The following DENND4C variants were observed in gnomAD, a reference collection of about 807,000 sequenced individuals.
DENND4C encodes DENN domain-containing protein 4C.
A neutral mutation model predicts 203.0 loss-of-function variants in DENND4C; 108 were observed. The ratio of observed to expected loss-of-function variants is 0.53; its 90% CI spans 0.46 to 0.62. DENND4C has a LOEUF of 0.62. DENND4C is among the 20% of genes least tolerant of loss of function. The pLI, the probability that DENND4C is intolerant of heterozygous loss-of-function variation, is 0.00. For synonymous variants in DENND4C, 871 were observed against 792.4 expected (o/e 1.10, Z -1.67); for missense variants, 2,481 against 2,301.2 (o/e 1.08, Z -1.60).
At chr9:19,258,821 A>T (rs1828643138) in intron 1 of DENND4C, among the ~76,000 whole-genome samples, 1 of 151,840 alleles carries the variant, frequency 6.6e-6, no homozygotes, top group African/African-American at 2.4e-5. Flanking sequence ...GGCCCAGCTA[A>T]TTTTTGTATT....
At chr9:19,339,433 A>T (rs1320880045) in intron 20 of DENND4C, among the ~76,000 whole-genome samples, 3 of 152,102 alleles carry the variant, frequency 2.0e-5, no homozygotes, top group South Asian at 4.1e-4. Flanking sequence ...ATTTTGTGGA[A>T]TGTTTCTTAA....
rs548077131 is a variant in DENND4C at position 19,309,344 on chromosome 9, C to A, written c.1487+3817C>A. 2.7e-3 allele frequency among the ~76,000 whole-genome samples: 403 copies of A among 151,908 alleles called. 2 individuals carry two copies. The highest frequency in any genetic ancestry group is 4.6e-3 in the Non-Finnish European group (311 of 67,970). ...GGCTGAGGCAGGAGAATTGCTTGAA[C>A]CCAGGAGGCAGAGGTTGCAGTCAGT... On this transcript the variant is annotated intron_variant, in intron 10 of 32. Coordinates refer to ENST00000434457, the MANE Select transcript of DENND4C (RefSeq NM_001330640.2).
Position 19,328,011 on chromosome 9 carries a change from A to ATTT in DENND4C, c.2121-10_2121-8dup. 1.6e-6 allele frequency: 2 copies of ATTT among 1,215,660 alleles called. No individual in the cohort carries two copies. The highest frequency in any genetic ancestry group is 2.3e-5 in the Admixed American group (1 of 42,920). 75.3% of individuals were successfully genotyped at this position (1,215,660 alleles called of 1,614,324 possible). ...TGGTGTGTTTTAAATCAGCAGTTCT[A>ATTT]TTTTTTTTTTTATTTTAGTTACAAA... is the stretch of plus-strand genomic sequence containing the variant. On this transcript the variant is annotated intron_variant, in intron 15 of 32. Transcript: ENST00000434457.
chr9:19,240,970 A>C (rs1230320859), intron 1 of DENND4C, among the ~76,000 whole-genome samples: 2 of 152,232 alleles, frequency 1.3e-5, no homozygotes, highest in Admixed American at 1.3e-4. Context: ...AACAGAACAC[A>C]GAACAGAATG....
At chr9:19,317,689 TA>T (rs771862681) in intron 12 of DENND4C, among the ~76,000 whole-genome samples, 6 of 152,278 alleles carry the variant, frequency 3.9e-5, no homozygotes, top group Admixed American at 2.0e-4. Flanking sequence ...TGTAGGAATA[TA>T]AAGAAGTATA....
chr9:19,325,787 G>T (rs1434026615), intron 13 of DENND4C, 152 bp from the exon 14 acceptor site: 10 of 685,536 alleles, frequency 1.5e-5, no homozygotes, highest in Middle Eastern at 4.1e-4. Flanking sequence ...TAGCCTAAGA[G>T]TATGTATTCA....
chr9:19,283,486 T>G (rs1280580343), intron 2 of DENND4C, among the ~76,000 whole-genome samples: 1 of 152,206 alleles, frequency 6.6e-6, no homozygotes, highest in Admixed American at 6.5e-5. Flanking sequence ...CATTATAATC[T>G]ATGGCACCAC....
chr9:19,328,051 G>T lies in DENND4C; in HGVS notation c.2142G>T (p.Leu714=). ...TTAGTTACAAATACTTTCCAAGACTGGACCTTAAGCTTTTTGACAGACCGC... is the reference window on the plus strand; with the variant it reads ...TTAGTTACAAATACTTTCCAAGACTTGACCTTAAGCTTTTTGACAGACCGC... ...PKYSYKYFPR[L]DLKLFDRPQE... The change falls in exon 16 of 33, where the codon CTG becomes CTT. Residue 714 remains leucine (L), a synonymous_variant. Transcript: ENST00000434457. 3.7e-6 allele frequency: 6 copies of T among 1,608,296 alleles called. No individual in the cohort carries two copies. The highest frequency in any genetic ancestry group is 5.1e-6 in the Non-Finnish European group (6 of 1,178,106).
At chr9:19,303,966 GC>G (rs2131357468) in intron 9 of DENND4C, among the ~76,000 whole-genome samples, 1 of 150,636 alleles carries the variant, frequency 6.6e-6, no homozygotes, top group East Asian at 1.9e-4. Flanking sequence ...TCCTGCCTCA[GC>G]CTCCCAAAGT....
At chr9:19,310,452 A>G (rs1840517964) in intron 10 of DENND4C, among the ~76,000 whole-genome samples, 2 of 152,226 alleles carry the variant, frequency 1.3e-5, no homozygotes, top group South Asian at 4.1e-4. Context: ...ATTCATTTAC[A>G]TATGGCCCAT....
At chr9:19,325,797 A>G in intron 13 of DENND4C, 142 bp from the exon 14 acceptor site, 1 of 738,452 alleles carries the variant, frequency 1.4e-6, no homozygotes, top group Non-Finnish European at 2.2e-6. Flanking sequence ...GTATGTATTC[A>G]GCCTAAAAAT....
At chr9:19,333,789 TTTTTCCC>T (rs1439719589) in intron 17 of DENND4C, among the ~76,000 whole-genome samples, 2 of 152,200 alleles carry the variant, frequency 1.3e-5, no homozygotes, top group Non-Finnish European at 2.9e-5. Context: ...TCCAATGCTG[TTTTTCCC>T]TTTAAAAATT....
chr9:19,255,170 A>G (rs751371421), intron 1 of DENND4C, among the ~76,000 whole-genome samples: 1 of 151,992 alleles, frequency 6.6e-6, no homozygotes, highest in African/African-American at 2.4e-5. Flanking sequence ...CAGGAGGTGG[A>G]GGCTGGAGGG....
chr9:19,258,804 G>A (rs566815784), intron 1 of DENND4C, among the ~76,000 whole-genome samples: 32 of 151,994 alleles, frequency 2.1e-4, no homozygotes, highest in South Asian at 4.2e-4. Context: ...ACAGGTGCAC[G>A]CCACCAGGCC....
chr9:19,303,019 C>T (rs1407784548), intron 9 of DENND4C, among the ~76,000 whole-genome samples: 2 of 150,054 alleles, frequency 1.3e-5, no homozygotes, highest in African/African-American at 2.5e-5. Flanking sequence ...TTTCATAGCA[C>T]TTATTACTTT....
chr9:19,244,629 A>G (rs1196168298), intron 1 of DENND4C, among the ~76,000 whole-genome samples: 1 of 151,704 alleles, frequency 6.6e-6, no homozygotes, highest in Non-Finnish European at 1.5e-5. Flanking sequence ...AGTCTCAGCT[A>G]CTTGGGAGGC....
At chr9:19,344,098 A>G (rs1008877357) in intron 22 of DENND4C, among the ~76,000 whole-genome samples, 3 of 152,250 alleles carry the variant, frequency 2.0e-5, no homozygotes, top group African/African-American at 7.2e-5. Context: ...AACTTGAAAG[A>G]TTAAAAAGAA....
intron 30 of DENND4C, among the ~76,000 whole-genome samples, chr9:19,366,016 T>C (rs1221340066): frequency 6.6e-6 from 1 of 152,226 alleles, no homozygotes; most frequent in African/African-American, 2.4e-5. Flanking sequence ...ACAGATTGAA[T>C]GCAGTCCCTA....
intron 1 of DENND4C, among the ~76,000 whole-genome samples, chr9:19,274,376 A>C (rs1348273805): frequency 6.6e-6 from 1 of 150,594 alleles, no homozygotes; most frequent in African/African-American, 2.5e-5. Flanking sequence ...GCTCACCGCA[A>C]CCTCCGCCTA....
Sources: allele counts gnomAD v4.1 joint callset (sites outside exome capture counted in the v4.1 genomes callset), GRCh38; gene constraint gnomAD v4.1.1; transcripts MANE v1.5; gene names NCBI Gene and HGNC (gene_info 2026-07-23, HGNC 2026-07-21).